MYO16: variants seen among roughly 807,000 people sequenced by gnomAD.
MYO16 encodes unconventional myosin-XVI.
A neutral mutation model predicts 205.3 loss-of-function variants in MYO16; 94 were observed. That is an observed-to-expected ratio of 0.46 (90% CI 0.39 to 0.54). MYO16 has a LOEUF of 0.54. MYO16 is among the 20% of genes least tolerant of loss of function. The pLI is 0.00. For missense variants in MYO16, 2,315 were observed against 2,387.5 expected (o/e 0.97, Z 0.63); for synonymous variants, 988 against 954.0 (o/e 1.04, Z -0.66).
intron 2 of MYO16, among the ~76,000 whole-genome samples, chr13:108,692,984 G>GA (rs1483196742): frequency 6.6e-6 from 1 of 152,024 alleles, no homozygotes; most frequent in South Asian, 2.1e-4. Flanking sequence ...TTGCATGTCA[G>GA]AAAAAAATTC....
At chr13:108,720,330 G>T (rs767101767) in intron 3 of MYO16, among the ~76,000 whole-genome samples, 3 of 152,160 alleles carry the variant, frequency 2.0e-5, no homozygotes, top group Non-Finnish European at 4.4e-5. Flanking sequence ...GGAAGTTCCA[G>T]AATCATGTTA....
At chr13:108,754,122 A>G (rs534182191) in intron 4 of MYO16, among the ~76,000 whole-genome samples, 12 of 151,344 alleles carry the variant, frequency 7.9e-5, no homozygotes, top group African/African-American at 2.7e-4. Flanking sequence ...TGCAGAACAA[A>G]CTGTAGCATG....
At chr13:108,838,413 G>A (rs1455609925) in intron 9 of MYO16, among the ~76,000 whole-genome samples, 1 of 151,772 alleles carries the variant, frequency 6.6e-6, no homozygotes, top group Non-Finnish European at 1.5e-5. Context: ...CCAGCACTTT[G>A]GGAGGCCAAG....
chr13:108,838,659 C>T (rs1477353072), intron 9 of MYO16, among the ~76,000 whole-genome samples: 1 of 72,440 alleles, frequency 1.4e-5, no homozygotes, highest in Non-Finnish European at 2.9e-5. Flanking sequence ...CAGAGTGAGA[C>T]TGTCTCAAAA....
At chr13:108,712,629 T>C in intron 2 of MYO16, 32 bp from the exon 3 acceptor site, 1 of 1,598,828 alleles carries the variant, frequency 6.3e-7, no homozygotes, top group Non-Finnish European at 8.6e-7. Flanking sequence ...AAGGACTCTC[T>C]GTAACTCCAT....
At chr13:108,919,722 A>C (rs1881658041) in intron 16 of MYO16, among the ~76,000 whole-genome samples, 1 of 152,216 alleles carries the variant, frequency 6.6e-6, no homozygotes, top group Admixed American at 6.6e-5. Flanking sequence ...GGTTGTTATG[A>C]GTAAATAAAA....
intron 10 of MYO16, among the ~76,000 whole-genome samples, chr13:108,853,245 A>G (rs1203565237): frequency 2.0e-5 from 3 of 152,180 alleles, no homozygotes; most frequent in South Asian, 2.1e-4. Flanking sequence ...TTGATATCAA[A>G]CAATTTCAAA....
Position 109,125,309 on chromosome 13 carries a change from C to T in MYO16, c.3733C>T (p.His1245Tyr), listed in dbSNP as rs752211776. 5.0e-6 allele frequency: 8 copies of T among 1,614,052 alleles called. No individual in the cohort carries two copies. The highest frequency in any genetic ancestry group is 5.9e-6 in the Non-Finnish European group (7 of 1,179,988). ...CCGTAGTGAAATGAACGCTCCCTAC[C>T]ATAAAGAGAAGTTAGAGGTCAGGAA... The part of the protein sequence containing the change: ...RLRSEMNAPY[H>Y]KEKLEVRNMQ... The change falls in exon 30 of 35, where the codon CAT becomes TAT. Residue 1245 changes from histidine (H) to tyrosine (Y), a missense_variant. Physicochemically the swap from His to Tyr is moderately conservative, Grantham distance 83. Transcript: ENST00000457511. This position sits in a 1 kb window ranked among gnomAD's most constrained non-coding sequence, Gnocchi z 4.0.
At chr13:108,769,136 A>G (rs933959560) in intron 4 of MYO16, among the ~76,000 whole-genome samples, 6 of 152,218 alleles carry the variant, frequency 3.9e-5, no homozygotes, top group African/African-American at 1.4e-4. Context: ...TGTTTAAAAC[A>G]TTGAATAGTA....
chr13:108,775,434 A>G (rs1176193770), intron 4 of MYO16, among the ~76,000 whole-genome samples: 1 of 152,248 alleles, frequency 6.6e-6, no homozygotes, highest in Non-Finnish European at 1.5e-5. Context: ...ATGTCAAAAG[A>G]AATTATTGAA....
chr13:109,184,677 A>T (rs1879606941), intron 34 of MYO16, among the ~76,000 whole-genome samples: 1 of 151,844 alleles, frequency 6.6e-6, no homozygotes, highest in Non-Finnish European at 1.5e-5. Flanking sequence ...GCTCACTGCA[A>T]CCTCCACCTC....
At chr13:108,602,799 A>G (rs1878813404) in intron 1 of MYO16, among the ~76,000 whole-genome samples, 1 of 152,194 alleles carries the variant, frequency 6.6e-6, no homozygotes, top group Non-Finnish European at 1.5e-5. Flanking sequence ...TCCATTTTCC[A>G]TCTCTACTCC....
At chr13:108,721,537 T>C (rs1486237458) in intron 3 of MYO16, among the ~76,000 whole-genome samples, 1 of 152,216 alleles carries the variant, frequency 6.6e-6, no homozygotes, top group Non-Finnish European at 1.5e-5. Context: ...CATTAATGCT[T>C]CCTCTGTTGA....
intron 4 of MYO16, among the ~76,000 whole-genome samples, chr13:108,765,455 A>G (rs949780920): frequency 2.0e-5 from 3 of 152,192 alleles, no homozygotes; most frequent in African/African-American, 7.2e-5. Context: ...GAAAATAACA[A>G]TATTCCCTTC....
At chr13:109,173,767 C>T (rs890675894) in intron 33 of MYO16, among the ~76,000 whole-genome samples, 4 of 151,442 alleles carry the variant, frequency 2.6e-5, no homozygotes, top group South Asian at 2.1e-4. Flanking sequence ...TGGTGGTGGG[C>T]GCCTGTAGTC....
At chr13:108,790,540 C>T (rs752065144) in intron 5 of MYO16, among the ~76,000 whole-genome samples, 2 of 151,760 alleles carry the variant, frequency 1.3e-5, no homozygotes, top group Admixed American at 6.6e-5. Context: ...GAGAATGGAC[C>T]CATTATCCGT....
chr13:109,180,880 C>G (rs546743789), intron 34 of MYO16, among the ~76,000 whole-genome samples: 2 of 152,322 alleles, frequency 1.3e-5, no homozygotes, highest in African/African-American at 4.8e-5. Context: ...AGGGGAACCT[C>G]CTGGTCATGA....
chr13:108,768,661 G>A lies in MYO16; in HGVS notation c.508-16974G>A, dbSNP rs182302042. Among the ~76,000 whole-genome samples the A allele has an allele frequency of 4.3e-4, 65 of 152,204 alleles. 1 individual carries two copies. Among genetic ancestry groups the A allele is most frequent in the African/African-American group, 1.5e-3 (64 of 41,522 alleles). On this transcript the variant is annotated intron_variant, in intron 4 of 34. Transcript: ENST00000457511. ...TAGTGTAAAATATTTTCCAATATAC[G>A]TCTTTGAAGTGAGTTTTAATAAAAC...
intron 15 of MYO16, among the ~76,000 whole-genome samples, 159 bp downstream of exon 15, chr13:108,898,292 A>G (rs913024068): frequency 6.6e-6 from 1 of 151,442 alleles, no homozygotes. Context: ...ATACTTCTGG[A>G]AAGTTTGTAT....
Sources: gnomAD v4.1 joint callset for allele counts (sites outside exome capture counted in the v4.1 genomes callset) on GRCh38, gnomAD v4.1.1 for gene constraint, Gnocchi (gnomAD v3.1) non-coding constraint, MANE v1.5 for transcripts, NCBI Gene and HGNC (gene_info 2026-07-23, HGNC 2026-07-21) for gene names.